Variants in CENPO observed in about 807,000 individuals in gnomAD.
CENPO encodes centromeric protein O.
CENPO carries 30 observed loss-of-function variants against 36.1 expected under a neutral mutation model. The ratio of observed to expected loss-of-function variants is 0.83; its 90% CI spans 0.62 to 1.13. CENPO has a LOEUF of 1.13. Ranked by LOEUF, CENPO falls within the 50% of genes most tolerant of loss-of-function variation. The probability of loss-of-function intolerance (pLI) is 0.00; values close to 1 mark genes in which losing one functional copy is unlikely to be tolerated. For missense variants in CENPO, 349 were observed against 357.8 expected (o/e 0.98, Z 0.20); for synonymous variants, 171 against 142.3 (o/e 1.20, Z -1.44).
intron 5 of CENPO, chr2:24,816,032 T>C (rs1666924846): frequency 4.6e-6 from 2 of 434,862 alleles, no homozygotes; most frequent in Non-Finnish European, 4.2e-6. Context: ...GTGCAGTTGC[T>C]ATACTTTTGA....
At chr2:24,817,377 C>A (rs1463886690) in intron 6 of CENPO, among the ~76,000 whole-genome samples, 1 of 150,556 alleles carries the variant, frequency 6.6e-6, no homozygotes, top group Non-Finnish European at 1.5e-5. Context: ...GATTTCACAC[C>A]ATCGGTCTTT....
chr2:24,793,510 G>C lies in CENPO; in HGVS notation c.-69+9G>C. 3 of 1,588,280 alleles carry C rather than the reference G, an allele frequency of 1.9e-6. No individual in the cohort carries two copies. In the East Asian group the frequency reaches 6.7e-5, roughly 36 times the overall value. On this transcript the variant is annotated intron_variant, in intron 1 of 7. Coordinates refer to ENST00000380834, the MANE Select transcript of CENPO (RefSeq NM_001322101.2). ...TCTCGCTTCTGGCCTGGGTGAGCTA[G>C]AAGGGAGAAGGTAGGGGAAAGACCC...
intron 3 of CENPO, among the ~76,000 whole-genome samples, chr2:24,803,759 A>G (rs1572728239): frequency 6.6e-6 from 1 of 152,124 alleles, no homozygotes; most frequent in African/African-American, 2.4e-5. Context: ...CTATGTGGTC[A>G]ATTTTGGAAT....
intron 3 of CENPO, among the ~76,000 whole-genome samples, chr2:24,805,193 T>G (rs1666340746): frequency 6.6e-6 from 1 of 152,222 alleles, no homozygotes; most frequent in African/African-American, 2.4e-5. Context: ...CTTTAAGGAC[T>G]TCTCTGCATT....
At chr2:24,794,461 G>C (rs995141442) in intron 2 of CENPO, among the ~76,000 whole-genome samples, 1 of 152,168 alleles carries the variant, frequency 6.6e-6, no homozygotes, top group Non-Finnish European at 1.5e-5. Context: ...TGTGGAAAAA[G>C]TATTTCTTTT....
chr2:24,796,186 T>G (rs1199917804), intron 2 of CENPO, among the ~76,000 whole-genome samples: 1 of 152,002 alleles, frequency 6.6e-6, no homozygotes, highest in East Asian at 1.9e-4. Context: ...AAACCCCATC[T>G]CTACTAAAAA....
At chr2:24,811,186 C>CG (rs1403857330) in intron 3 of CENPO, among the ~76,000 whole-genome samples, 20 of 151,948 alleles carry the variant, frequency 1.3e-4, no homozygotes, top group African/African-American at 4.8e-4. Flanking sequence ...CTCAAGTGAT[C>CG]TGCCGGTCCT....
At position 24,793,500 on chromosome 2, in the gene CENPO, G is replaced by C; in HGVS notation, c.-70G>C. ...TGGCGGGAATTCTCGCTTCTGGCCT[G>C]GGTGAGCTAGAAGGGAGAAGGTAGG... On this transcript the variant is annotated splice_region_variant and 5_prime_UTR_variant, in exon 1 of 8. Coordinates refer to ENST00000380834, the MANE Select transcript of CENPO (RefSeq NM_001322101.2). The C allele has an allele frequency of 6.3e-7, 1 of 1,597,242 alleles. No homozygotes were observed.
At chr2:24,795,719 C>G (rs1665870487) in intron 2 of CENPO, among the ~76,000 whole-genome samples, 1 of 152,146 alleles carries the variant, frequency 6.6e-6, no homozygotes, top group Non-Finnish European at 1.5e-5. Context: ...CTCTACCACC[C>G]TAAATTATTC....
In CENPO at chr2:24,820,027, G is replaced by A. The variant is rs751100357; in HGVS notation, c.*709G>A. ...CGCCCCTTCAAGAAGAAGGTCAGCA[G>A]CTCCCCCTTCCCCTTCACAAAGATG... On this transcript the variant is annotated 3_prime_UTR_variant, in exon 8 of 8. Transcript: ENST00000380834. The A allele has an allele frequency of 6.2e-6, 10 of 1,611,226 alleles. No individual in the cohort carries two copies. Among genetic ancestry groups the A allele is most frequent in the Non-Finnish European group, 4.2e-6 (5 of 1,178,730 alleles).
chr2:24,796,097 T>G (rs912696405), intron 2 of CENPO, among the ~76,000 whole-genome samples: 1 of 152,180 alleles, frequency 6.6e-6, no homozygotes, highest in African/African-American at 2.4e-5. Flanking sequence ...GGCTCACACC[T>G]GTAATCCCAG....
At chr2:24,796,338 AGT>A (rs1421676574) in intron 2 of CENPO, among the ~76,000 whole-genome samples, 3 of 152,040 alleles carry the variant, frequency 2.0e-5, no homozygotes, top group Admixed American at 6.6e-5. Context: ...TGGGCAACAG[AGT>A]GAGATTTCGT....
intron 6 of CENPO, among the ~76,000 whole-genome samples, 194 bp from the exon 7 acceptor site, chr2:24,817,476 A>AAAAAAAAAAG (rs1666998834): frequency 6.6e-6 from 1 of 150,930 alleles, no homozygotes; most frequent in African/African-American, 2.4e-5. Context: ...CAAAAAAAAA[A>AAAAAAAAAAG]GCTGTATGGG....
At chr2:24,803,668 G>A (rs533116830) in intron 3 of CENPO, among the ~76,000 whole-genome samples, 8 of 152,262 alleles carry the variant, frequency 5.3e-5, no homozygotes, top group African/African-American at 1.4e-4. Flanking sequence ...CTGAGTTGTA[G>A]TTTGATTGCA....
chr2:24,817,465 C>CAAAAA (rs1558382820), intron 6 of CENPO, among the ~76,000 whole-genome samples: 1 of 12,354 alleles, frequency 8.1e-5, no homozygotes. Flanking sequence ...TTAGTCCAGA[C>CAAAAA]CAAAAAAAAA....
chr2:24,815,766 T>TGG lies in CENPO; in HGVS notation c.594+12_594+13dup. On this transcript the variant is annotated intron_variant, in intron 5 of 7. Coordinates refer to ENST00000380834, the MANE Select transcript of CENPO (RefSeq NM_001322101.2). Reference sequence around the variant, plus strand: ...GGCAGACCGGCTTCAGGTATCTCTCTGGGATGTTATATGCCTCATCCGTGG... The same window carrying TGG: ...GGCAGACCGGCTTCAGGTATCTCTCTGGGGGATGTTATATGCCTCATCCGTGG... The TGG allele has an allele frequency of 5.6e-6, 9 of 1,613,856 alleles. No homozygotes were observed. The highest frequency in any genetic ancestry group is 7.6e-6 in the Non-Finnish European group (9 of 1,179,726).
Position 24,793,477 on chromosome 2 carries a change from GCGGGAAT to G in CENPO, c.-92_-86del. 1 of 1,603,744 alleles carries G rather than the reference GCGGGAAT, an allele frequency of 6.2e-7. No individual in the cohort carries two copies. The highest frequency in any genetic ancestry group is 2.2e-5 in the East Asian group (1 of 44,780). On this transcript the variant is annotated 5_prime_UTR_variant, in exon 1 of 8. An upstream open reading frame in the 5' UTR loses its in-frame stop. Coordinates refer to ENST00000380834, the MANE Select transcript of CENPO (RefSeq NM_001322101.2). ...TGGTTTGGTTTTGAAGACGTGGATGGCGGGAATTCTCGCTTCTGGCCTGGGTGAGCTA... is the reference window on the plus strand; with the variant it reads ...TGGTTTGGTTTTGAAGACGTGGATGGTCTCGCTTCTGGCCTGGGTGAGCTA...
intron 3 of CENPO, among the ~76,000 whole-genome samples, chr2:24,803,320 C>T (rs1316310943): frequency 3.3e-5 from 5 of 151,916 alleles, no homozygotes; most frequent in African/African-American, 1.2e-4. Context: ...TTTTGTGTCT[C>T]TATTTCCTTC....
At chr2:24,817,101 C>T (rs1666969071) in intron 6 of CENPO, among the ~76,000 whole-genome samples, 1 of 152,128 alleles carries the variant, frequency 6.6e-6, no homozygotes, top group African/African-American at 2.4e-5. Context: ...GGCCCTGCTT[C>T]AGGAAAGACA....
Sources: gnomAD v4.1 joint callset for allele counts (sites outside exome capture counted in the v4.1 genomes callset) on GRCh38, gnomAD v4.1.1 for gene constraint, MANE v1.5 for transcripts, NCBI Gene and HGNC (gene_info 2026-07-23, HGNC 2026-07-21) for gene names.